The following POLN variants were observed in gnomAD, a reference collection of about 807,000 sequenced individuals.
The protein encoded by POLN is DNA polymerase nu.
Under a neutral mutation model 113.5 loss-of-function variants are expected in POLN, and 108 were observed. The observed-to-expected ratio is 0.95, with a 90% confidence interval of 0.81 to 1.12. The LOEUF (loss-of-function observed/expected upper bound fraction) is 1.12. POLN is among the 50% of genes most tolerant of loss of function. The pLI, the probability that POLN is intolerant of heterozygous loss-of-function variation, is 0.00. For missense variants in POLN, 1,097 were observed against 1,077.1 expected, an observed-to-expected ratio of 1.02 and a Z score of -0.26; for synonymous variants, 386 against 391.5, an observed-to-expected ratio of 0.99 and a Z score of 0.17.
At chr4:2,228,858 T>G in intron 3 of POLN, 1 of 383,808 alleles carries the variant, frequency 2.6e-6, no homozygotes, top group African/African-American at 2.1e-5. Flanking sequence ...TGATCCAGAT[T>G]CTAAGGGAAT....
At chr4:2,081,534 A>T (rs1560970091) in intron 22 of POLN, 99 bp downstream of exon 22, 2 of 1,160,438 alleles carry the variant, frequency 1.7e-6, no homozygotes, top group Non-Finnish European at 2.5e-6. Context: ...ATGAGCAGGA[A>T]ATACCGCAAC....
At chr4:2,098,636 T>G (rs3135058) in intron 19 of POLN, among the ~76,000 whole-genome samples, 111,636 of 152,142 alleles carry the variant, frequency 0.73, 45,400 homozygotes, top group Non-Finnish European at 0.9. Flanking sequence ...CATGGTTACA[T>G]AGAGAAATAT....
At chr4:2,082,916 T>C (rs1280992666) in intron 21 of POLN, 1 of 152,216 alleles carries the variant, frequency 6.6e-6, no homozygotes, top group Non-Finnish European at 1.5e-5. Flanking sequence ...CTTTTGAGGT[T>C]TGCTTCTAAG....
chr4:2,075,370 T>C (rs1730250652), intron 24 of POLN, 82 bp downstream of exon 24: 4 of 1,461,278 alleles, frequency 2.7e-6, no homozygotes, highest in Non-Finnish European at 9.5e-7. Context: ...CTGAGGGGCT[T>C]TCCTGGGCTG....
intron 2 of POLN, among the ~76,000 whole-genome samples, chr4:2,237,534 A>G (rs1734810415): frequency 6.6e-6 from 1 of 152,066 alleles, no homozygotes; most frequent in Admixed American, 6.5e-5. Flanking sequence ...GAGGGAAGGA[A>G]GGAAAAAACA....
intron 11 of POLN, 47 bp from the exon 12 acceptor site, chr4:2,171,228 T>C: frequency 6.6e-7 from 1 of 1,525,688 alleles, no homozygotes; most frequent in Non-Finnish European, 9.0e-7. Flanking sequence ...GTTTTCACAA[T>C]TTAAGATTGT....
Position 2,111,918 on chromosome 4 carries a change from G to A in POLN, c.1983-15985C>T, listed in dbSNP as rs185938820. On this transcript the variant is annotated intron_variant, in intron 19 of 25. Transcript: ENST00000511885. ...TCCATATGGAACCAAAATAGAGCCC[G>A]CATTGCCAAGTCAATCCTAAGCCAA... Among the ~76,000 whole-genome samples, 564 of 152,178 alleles carry A rather than the reference G, an allele frequency of 3.7e-3. 5 individuals are homozygous for A. The highest frequency in any genetic ancestry group is 0.013 in the African/African-American group (540 of 41,500).
chr4:2,084,624 C>T (rs1016655837), intron 21 of POLN, among the ~76,000 whole-genome samples: 1 of 152,224 alleles, frequency 6.6e-6, no homozygotes, highest in Non-Finnish European at 1.5e-5. Flanking sequence ...CTGGAGCTCT[C>T]GGGGCTTGGG....
chr4:2,075,445 A>G lies in POLN; in HGVS notation c.2455+7T>C, dbSNP rs1176387236. The G allele has an allele frequency of 6.2e-7, 1 of 1,613,374 alleles. No homozygotes were observed. The highest frequency in any genetic ancestry group is 8.5e-7 in the Non-Finnish European group (1 of 1,179,940). On this transcript the variant is annotated splice_region_variant and intron_variant, in intron 24 of 25. Coordinates refer to ENST00000511885, the MANE Select transcript of POLN (RefSeq NM_181808.4). ...TGTCCAAGCAACCCTGTGTTGCCCCAGGCTACCTGCACACTCCGGGATCTG... is the reference window on the plus strand; with the variant it reads ...TGTCCAAGCAACCCTGTGTTGCCCCGGGCTACCTGCACACTCCGGGATCTG...
At chr4:2,140,266 CG>C (rs1731966025) in intron 16 of POLN, among the ~76,000 whole-genome samples, 1 of 151,928 alleles carries the variant, frequency 6.6e-6, no homozygotes, top group African/African-American at 2.4e-5. Context: ...TTAGTAGAGA[CG>C]GGGGTTTCAC....
chr4:2,148,667 C>A lies in POLN; in HGVS notation c.1731+8121G>T, dbSNP rs1389495374. 5.2e-4 allele frequency among the ~76,000 whole-genome samples: 21 copies of A among 40,296 alleles called. 1 individual carries two copies. Among genetic ancestry groups the A allele is most frequent in the Admixed American group, 3.9e-3 (19 of 4,854 alleles). 26.4% of individuals were successfully genotyped at this position (40,296 alleles called of 152,430 possible). A position where few individuals can be genotyped will look rare whatever the true frequency, so the allele number is the denominator to read the frequency against. The stretch of plus-strand genomic sequence containing the variant: ...GGGCGACAGAGCGAGACTCTGTCCC[C>A]CCCCCAAAAAAAAAAAGTATGTGAA... On this transcript the variant is annotated intron_variant, in intron 16 of 25. Transcript: ENST00000511885.
intron 20 of POLN, chr4:2,090,029 G>A (rs1307878982): frequency 2.3e-6 from 2 of 881,478 alleles, no homozygotes; most frequent in Non-Finnish European, 3.6e-6. Flanking sequence ...AGTAAACAGT[G>A]ACTTGGAACT....
chr4:2,075,658 C>A (rs1283484692), intron 23 of POLN, 139 bp from the exon 24 acceptor site: 5 of 842,392 alleles, frequency 5.9e-6, no homozygotes, highest in Admixed American at 2.2e-5. Context: ...GAGGTGGGGG[C>A]CCATCCCCAA....
In POLN at chr4:2,180,069, T is replaced by C. The variant is rs148587748; in HGVS notation, c.1022-604A>G. Among the ~76,000 whole-genome samples the C allele has an allele frequency of 1.9e-3, 283 of 152,296 alleles. 1 individual carries two copies. The highest frequency in any genetic ancestry group is 6.6e-3 in the African/African-American group (275 of 41,564). On this transcript the variant is annotated intron_variant, in intron 7 of 25. Coordinates refer to ENST00000511885, the MANE Select transcript of POLN (RefSeq NM_181808.4). ...CTACAAGACAACTAATGTGTGGCGC[T>C]TTGGTACTGTGGAAGGAACACCAGG...
intron 19 of POLN, among the ~76,000 whole-genome samples, chr4:2,106,518 T>A (rs1392438617): frequency 6.6e-6 from 1 of 152,180 alleles, no homozygotes; most frequent in Non-Finnish European, 1.5e-5. Context: ...GCCTAACCCA[T>A]ATAAATACTT....
At chr4:2,209,062 T>C (rs1217907224) in intron 4 of POLN, among the ~76,000 whole-genome samples, 3 of 152,094 alleles carry the variant, frequency 2.0e-5, no homozygotes, top group African/African-American at 4.8e-5. Flanking sequence ...ATGTCATGGA[T>C]AGGATTATGT....
chr4:2,078,590 G>A, intron 23 of POLN: 1 of 984,978 alleles, frequency 1.0e-6, no homozygotes, highest in Non-Finnish European at 1.2e-6. Context: ...TTTCATGCCT[G>A]CTGCTTCAGC....
intron 2 of POLN, among the ~76,000 whole-genome samples, chr4:2,239,727 A>T (rs1734902163): frequency 6.6e-6 from 1 of 152,226 alleles, no homozygotes; most frequent in Admixed American, 6.5e-5. Flanking sequence ...GCCACATCTT[A>T]AAAAGAAAAT....
At chr4:2,088,751 A>G (rs1371787265) in intron 20 of POLN, 7 of 1,224,658 alleles carry the variant, frequency 5.7e-6, no homozygotes, top group South Asian at 3.4e-5. Flanking sequence ...AGCTTTTACA[A>G]TGTCATCAGG....
Sources: gnomAD v4.1 joint callset for allele counts (sites outside exome capture counted in the v4.1 genomes callset) on GRCh38, gnomAD v4.1.1 for gene constraint, MANE v1.5 for transcripts, NCBI Gene and HGNC (gene_info 2026-07-23, HGNC 2026-07-21) for gene names.